FAM107B: variants seen among roughly 807,000 people sequenced by gnomAD.
FAM107B encodes the protein family with sequence similarity 107 member B.
Under a neutral mutation model 31.5 loss-of-function variants are expected in FAM107B, and 21 were observed. The ratio of observed to expected loss-of-function variants is 0.67; its 90% confidence interval spans 0.47 to 0.96. The LOEUF (loss-of-function observed/expected upper bound fraction) is 0.96, where lower values mean the gene tolerates loss of function less well. FAM107B is among the 40% of genes least tolerant of loss of function. The pLI is 0.00. For synonymous variants in FAM107B, 157 were observed against 141.5 expected, an observed-to-expected ratio of 1.11 and a Z score of -0.78; for missense variants, 452 against 377.1, an observed-to-expected ratio of 1.20 and a Z score of -1.64.
At chr10:14,721,015 C>G (rs201279160) in intron 1 of FAM107B, among the ~76,000 whole-genome samples, 2 of 151,864 alleles carry the variant, frequency 1.3e-5, no homozygotes, top group African/African-American at 4.8e-5. Context: ...CCATGACAGG[C>G]GCCAGTGTGT....
chr10:14,522,068 A>AT (rs1564516913), intron 3 of FAM107B, 49 bp from the exon 4 acceptor site: 1 of 1,571,086 alleles, frequency 6.4e-7, no homozygotes, highest in Non-Finnish European at 8.6e-7. Context: ...TAATGGCTAC[A>AT]TTTTTTATGA....
At chr10:14,648,938 G>A (rs563982876) in intron 2 of FAM107B, among the ~76,000 whole-genome samples, 3 of 152,130 alleles carry the variant, frequency 2.0e-5, no homozygotes, top group Admixed American at 1.3e-4. Flanking sequence ...AAACACAAAC[G>A]AGGATGAGGT....
chr10:14,551,374 A>G (rs949290499), intron 2 of FAM107B, among the ~76,000 whole-genome samples: 22 of 152,036 alleles, frequency 1.4e-4, no homozygotes, highest in African/African-American at 4.8e-4. Flanking sequence ...TAAACTCCTG[A>G]CCTCAGGTGA....
rs184630479 is a variant in FAM107B at position 14,738,887 on chromosome 10, T to C, written c.411+35366A>G. Among the ~76,000 whole-genome samples the C allele has an allele frequency of 7.9e-5, 12 of 152,356 alleles. No individual in the cohort carries two copies. The East Asian group carries it at 1.9e-3, about 24-fold the overall frequency. On this transcript the variant is annotated intron_variant, in intron 1 of 4. Coordinates refer to ENST00000181796, the MANE Select transcript of FAM107B (RefSeq NM_031453.4). ...CAAACCAGCAGTTTAAGGCAATGAA[T>C]TTATTTTGCTCACAACTTTGTGGGT...
At chr10:14,741,535 C>T (rs985656762) in intron 1 of FAM107B, among the ~76,000 whole-genome samples, 1 of 152,104 alleles carries the variant, frequency 6.6e-6, no homozygotes, top group African/African-American at 2.4e-5. Flanking sequence ...GGAGGATACC[C>T]TCTGCCCAGC....
chr10:14,623,841 C>T (rs955837149), intron 2 of FAM107B, among the ~76,000 whole-genome samples: 2 of 152,096 alleles, frequency 1.3e-5, no homozygotes, highest in African/African-American at 4.8e-5. Flanking sequence ...ATAAGTAAAT[C>T]GCTCACACTT....
chr10:14,692,207 G>C (rs1179837260), intron 1 of FAM107B, among the ~76,000 whole-genome samples: 1 of 152,120 alleles, frequency 6.6e-6, no homozygotes, highest in Non-Finnish European at 1.5e-5. Flanking sequence ...AATTTGCTCT[G>C]GGTGGAAAGA....
At position 14,774,557 on chromosome 10, in the gene FAM107B, T is replaced by G; in HGVS notation, c.107A>C (p.Glu36Ala). 6.2e-7 allele frequency: 1 copy of G among 1,614,150 alleles called. No individual in the cohort carries two copies. The highest frequency in any genetic ancestry group is 2.2e-5 in the East Asian group (1 of 44,882). Residue 36 changes from glutamate (E) to alanine (A), a missense_variant, in exon 1 of 5, where the codon GAG becomes GCG. Transcript: ENST00000181796. Reference sequence around the variant, plus strand: ...GCCGGACTGATTGAAGGAAGCACTCTCCCTCGTATTCCCAAAACAGGCGAG... The same window carrying G: ...GCCGGACTGATTGAAGGAAGCACTCGCCCTCGTATTCCCAAAACAGGCGAG... ...ALLACFGNTR[E>A]SASFNQSGVA... is the part of the protein sequence containing the mutation.
intron 2 of FAM107B, among the ~76,000 whole-genome samples, chr10:14,555,400 T>C (rs1053287899): frequency 1.3e-5 from 2 of 152,228 alleles, no homozygotes; most frequent in African/African-American, 4.8e-5. Flanking sequence ...ATTATTTTAA[T>C]TAAGTAGTGA....
At chr10:14,563,930 GATAA>G (rs1490756146) in intron 2 of FAM107B, among the ~76,000 whole-genome samples, 4 of 151,950 alleles carry the variant, frequency 2.6e-5, no homozygotes, top group South Asian at 2.1e-4. Context: ...TCACTAAAGA[GATAA>G]ATAAAACAAT....
intron 1 of FAM107B, among the ~76,000 whole-genome samples, chr10:14,678,318 T>C (rs1854739408): frequency 6.6e-6 from 1 of 152,144 alleles, no homozygotes; most frequent in Admixed American, 6.5e-5. Context: ...CTCGGTGGGA[T>C]GGTGGGTATG....
chr10:14,725,879 G>A (rs546254238), intron 1 of FAM107B, among the ~76,000 whole-genome samples: 48 of 140,236 alleles, frequency 3.4e-4, no homozygotes, highest in African/African-American at 1.3e-3. Context: ...AGGCTGGAGT[G>A]CAGTGGCACG....
At chr10:14,749,676 C>G (rs1338704446) in intron 1 of FAM107B, among the ~76,000 whole-genome samples, 2 of 152,174 alleles carry the variant, frequency 1.3e-5, no homozygotes, top group Non-Finnish European at 2.9e-5. Context: ...TATTCCATAT[C>G]CCTCTATCTG....
intron 2 of FAM107B, among the ~76,000 whole-genome samples, chr10:14,603,797 G>A (rs988398370): frequency 2.0e-5 from 3 of 151,892 alleles, no homozygotes; most frequent in Non-Finnish European, 4.4e-5. Flanking sequence ...CCCCGGCTTT[G>A]TCTGCCTGGC....
intron 1 of FAM107B, among the ~76,000 whole-genome samples, chr10:14,700,827 C>CAAAAAAAA (rs1159035034): frequency 2.6e-5 from 2 of 76,020 alleles, no homozygotes; most frequent in Non-Finnish European, 4.6e-5. Flanking sequence ...TGGCAAGAGG[C>CAAAAAAAA]AAAAAAAAAA....
intron 2 of FAM107B, among the ~76,000 whole-genome samples, chr10:14,599,117 C>T (rs1481875150): frequency 1.3e-5 from 2 of 152,204 alleles, no homozygotes; most frequent in Non-Finnish European, 2.9e-5. Flanking sequence ...ACCTCATGCA[C>T]CTAAACCTGC....
intron 2 of FAM107B, among the ~76,000 whole-genome samples, chr10:14,619,927 A>T (rs1023659989): frequency 2.0e-5 from 3 of 151,478 alleles, no homozygotes; most frequent in Admixed American, 2.0e-4. Context: ...TTTTGAAAGG[A>T]CTATGTCTTA....
At chr10:14,579,644 A>T (rs1395314781) in intron 2 of FAM107B, among the ~76,000 whole-genome samples, 2 of 152,230 alleles carry the variant, frequency 1.3e-5, no homozygotes, top group African/African-American at 4.8e-5. Context: ...AGAATTTCAA[A>T]ACCAAGTTTG....
intron 2 of FAM107B, among the ~76,000 whole-genome samples, chr10:14,651,392 G>A (rs558111534): frequency 6.6e-6 from 1 of 152,286 alleles, no homozygotes; most frequent in South Asian, 2.1e-4. Flanking sequence ...GATCACCTGA[G>A]GTCGGGAGTT....
Sources: allele counts gnomAD v4.1 joint callset (sites outside exome capture counted in the v4.1 genomes callset), GRCh38; gene constraint gnomAD v4.1.1; transcripts MANE v1.5; gene names NCBI Gene and HGNC (gene_info 2026-07-23, HGNC 2026-07-21).